RASGRF1: variants seen among roughly 807,000 people sequenced by gnomAD.
The protein encoded by RASGRF1 is ras-specific guanine nucleotide-releasing factor 1.
Under a neutral mutation model 138.7 loss-of-function variants are expected in RASGRF1, and 40 were observed. The ratio of observed to expected loss-of-function variants is 0.29; its 90% CI spans 0.22 to 0.38. The LOEUF (loss-of-function observed/expected upper bound fraction) is 0.38, where lower values mean the gene tolerates loss of function less well. Among genes scored for constraint, RASGRF1 ranks in the 10% least tolerant of loss-of-function variants. The pLI is 1.00. For missense variants in RASGRF1, 1,108 were observed against 1,650.4 expected, an observed-to-expected ratio of 0.67 and a Z score of 5.69; for synonymous variants, 614 against 663.2, an observed-to-expected ratio of 0.93 and a Z score of 1.14.
chr15:79,060,684 C>G (rs1334755218), intron 2 of RASGRF1, among the ~76,000 whole-genome samples: 1 of 152,232 alleles, frequency 6.6e-6, no homozygotes, highest in Non-Finnish European at 1.5e-5. Context: ...CAGACAGACA[C>G]CCTCAGATGC....
chr15:78,982,288 A>T (rs1298928869), intron 23 of RASGRF1, among the ~76,000 whole-genome samples: 1 of 152,124 alleles, frequency 6.6e-6, no homozygotes, highest in East Asian at 1.9e-4. Flanking sequence ...TGTGCAGAAG[A>T]TATTCTGGAA....
rs554451196 is a variant in RASGRF1 at position 78,964,418 on chromosome 15, G to A, written c.3682-2182C>T. Among the ~76,000 whole-genome samples, 24 of 152,062 alleles carry A rather than the reference G, an allele frequency of 1.6e-4. No individual in the cohort carries two copies. The South Asian group carries it at 4.2e-3, about 26-fold the overall frequency. ...TCGAACTTCTGACCTCAGGTGATCC[G>A]CCTGCCTCGGCCTCCCAAAGTGCTG... On this transcript the variant is annotated intron_variant, in intron 26 of 26. Transcript: ENST00000558480.
At position 79,061,431 on chromosome 15, in the gene RASGRF1, T is replaced by TATATATATATATATATATATAA. The variant is rs1555461889; in HGVS notation, c.384-2951_384-2950insTTATATATATATATATATATAT. On this transcript the variant is annotated intron_variant, in intron 2 of 26. Transcript: ENST00000558480. ...TCTTTAAAATATATATATATATATA[T>TATATATATATATATATATATAA]CATTCATTTTTAAAATTTGAGGTTT... Among the ~76,000 whole-genome samples, 143 of 144,602 alleles carry TATATATATATATATATATATAA rather than the reference T, an allele frequency of 9.9e-4. 1 individual carries two copies. The highest frequency in any genetic ancestry group is 2.0e-3 in the Non-Finnish European group (129 of 66,020). The allele number at this position is 144,602 out of a possible 152,430, so 94.9% of individuals were successfully genotyped here. A position where few individuals can be genotyped will look rare whatever the true frequency, so the allele number is the denominator to read the frequency against.
At chr15:79,033,219 G>A (rs995035658) in intron 6 of RASGRF1, among the ~76,000 whole-genome samples, 1 of 152,078 alleles carries the variant, frequency 6.6e-6, no homozygotes, top group African/African-American at 2.4e-5. Context: ...GCTGGGATGG[G>A]GTCATGTGAA....
At chr15:78,984,503 G>A (rs1026646107) in intron 23 of RASGRF1, 13 of 213,932 alleles carry the variant, frequency 6.1e-5, no homozygotes, top group African/African-American at 2.9e-4. Flanking sequence ...CACATTTAAG[G>A]TGATCAACTA....
intron 13 of RASGRF1, among the ~76,000 whole-genome samples, chr15:79,010,626 A>G (rs927035347): frequency 1.3e-5 from 2 of 152,346 alleles, no homozygotes; most frequent in Admixed American, 6.5e-5. Context: ...TGATCTTTCA[A>G]CACTTCTTGA....
At chr15:78,986,756 C>T (rs1427744307) in intron 22 of RASGRF1, among the ~76,000 whole-genome samples, 2 of 152,206 alleles carry the variant, frequency 1.3e-5, no homozygotes, top group East Asian at 3.9e-4. Context: ...AGGGCTTTAT[C>T]GCTAAGAAAT....
chr15:78,976,309 C>T (rs1057185998), intron 24 of RASGRF1, among the ~76,000 whole-genome samples: 4 of 152,122 alleles, frequency 2.6e-5, no homozygotes, highest in South Asian at 4.1e-4. Flanking sequence ...CCAATCTTTT[C>T]GCTTCCCTGG....
intron 20 of RASGRF1, among the ~76,000 whole-genome samples, chr15:78,992,415 C>A (rs2056290081): frequency 6.6e-6 from 1 of 152,222 alleles, no homozygotes; most frequent in South Asian, 2.1e-4. Context: ...CAGAGAAAAT[C>A]TTCAGGGAAA....
At position 78,971,927 on chromosome 15, in the gene RASGRF1, T is replaced by C; in HGVS notation, c.3620A>G (p.His1207Arg). The part of the protein sequence containing the change: ...VNFSKMRMIS[H>R]IIREIRQFQQ... ...AAACTGGCGAATCTCTCGGATAATA[T>C]GGGATATCTGTGGGAAGGAAGGAGT... The change falls in exon 26 of 27, where the codon CAT becomes CGT. Residue 1207 changes from histidine (H) to arginine (R), a missense_variant. This residue lies in a region of RASGRF1 where 686 missense variants were observed against 976.7 expected (regional missense o/e 0.70). Coordinates refer to ENST00000558480, the MANE Select transcript of RASGRF1 (RefSeq NM_001145648.3). The C allele has an allele frequency of 6.3e-7, 1 of 1,580,504 alleles. No homozygotes were observed. The highest frequency in any genetic ancestry group is 8.7e-7 in the Non-Finnish European group (1 of 1,149,410).
chr15:79,030,117 G>C (rs764327053), intron 8 of RASGRF1, among the ~76,000 whole-genome samples: 1 of 152,174 alleles, frequency 6.6e-6, no homozygotes, highest in African/African-American at 2.4e-5. Flanking sequence ...ACTCAGGTGT[G>C]CAACTTGGCT....
chr15:78,966,742 T>C (rs537694622), intron 26 of RASGRF1, among the ~76,000 whole-genome samples: 2 of 152,110 alleles, frequency 1.3e-5, no homozygotes, highest in Admixed American at 6.6e-5. Context: ...AGATAGCCAT[T>C]TTCAGTTCTT....
In RASGRF1 at chr15:78,962,012, T is replaced by G; in HGVS notation, c.*132A>C. On this transcript the variant is annotated 3_prime_UTR_variant, in exon 27 of 27. Transcript: ENST00000558480. ...TTCATATTCCGGTTCTACAGGAATCTAAGAACAAGGACGATTTGTATTCTT... is the reference window on the plus strand; with the variant it reads ...TTCATATTCCGGTTCTACAGGAATCGAAGAACAAGGACGATTTGTATTCTT... 1 of 647,724 alleles carries G rather than the reference T, an allele frequency of 1.5e-6. No homozygotes were observed. The highest frequency in any genetic ancestry group is 2.7e-6 in the Non-Finnish European group (1 of 370,436). 40.1% of individuals were successfully genotyped at this position (647,724 alleles called of 1,614,324 possible).
At position 79,027,443 on chromosome 15, in the gene RASGRF1, T is replaced by C. The variant is rs370707106; in HGVS notation, c.1381+298A>G. 9.9e-4 allele frequency among the ~76,000 whole-genome samples: 151 copies of C among 152,328 alleles called. 1 individual carries two copies. Among genetic ancestry groups the C allele is most frequent in the Middle Eastern group, 3.4e-3 (1 of 294 alleles). ...CCATACTTTCTCCCCAAAAAGGACA[T>C]GTCGATGTTTACTATGACATACAAT... On this transcript the variant is annotated intron_variant, in intron 9 of 26. Transcript: ENST00000558480. The surrounding 1 kb of genome is among the most constrained non-coding windows in gnomAD (Gnocchi z 4.8).
At chr15:79,081,526 A>G (rs1443652799) in intron 1 of RASGRF1, among the ~76,000 whole-genome samples, 1 of 152,176 alleles carries the variant, frequency 6.6e-6, no homozygotes, top group Non-Finnish European at 1.5e-5. Context: ...GAGCTTTGTG[A>G]CATAGCACAC....
intron 4 of RASGRF1, among the ~76,000 whole-genome samples, chr15:79,048,061 G>A (rs1377750868): frequency 6.6e-6 from 1 of 152,162 alleles, no homozygotes; most frequent in East Asian, 1.9e-4. Context: ...GATGGGAGGT[G>A]GATTTCAGCT....
chr15:79,079,398 T>G (rs1317460330), intron 1 of RASGRF1, among the ~76,000 whole-genome samples: 3 of 148,946 alleles, frequency 2.0e-5, no homozygotes, highest in Non-Finnish European at 4.4e-5. Flanking sequence ...TAACTGCGGC[T>G]CCATTTGTAA....
intron 13 of RASGRF1, among the ~76,000 whole-genome samples, chr15:79,007,852 C>A (rs1333916611): frequency 6.7e-6 from 1 of 149,594 alleles, no homozygotes; most frequent in Non-Finnish European, 1.5e-5. Flanking sequence ...TGTGCCCAGA[C>A]TATCTAGTTT....
chr15:79,019,550 C>G (rs1448143314), intron 11 of RASGRF1, among the ~76,000 whole-genome samples: 1 of 152,214 alleles, frequency 6.6e-6, no homozygotes, highest in African/African-American at 2.4e-5. Context: ...CCTGCAATCC[C>G]TCTGTCAGTG....
Sources: gnomAD v4.1 joint callset for allele counts (sites outside exome capture counted in the v4.1 genomes callset) on GRCh38, gnomAD v4.1.1 for gene constraint, gnomAD v4.1.1 regional missense constraint, Gnocchi (gnomAD v3.1) non-coding constraint, MANE v1.5 for transcripts, NCBI Gene and HGNC (gene_info 2026-07-23, HGNC 2026-07-21) for gene names.